JSRP1: variants seen among roughly 807,000 people sequenced by gnomAD.
The protein encoded by JSRP1 is junctional sarcoplasmic reticulum protein 1.
JSRP1 carries 29 observed loss-of-function variants against 21.4 expected under a neutral mutation model. That is an observed-to-expected ratio of 1.36 (90% CI 1.01 to 1.85). The LOEUF is 1.85. Among genes scored for constraint, JSRP1 ranks in the 40% most tolerant of loss-of-function variants. The probability of loss-of-function intolerance (pLI) is 0.00; values close to 1 mark genes in which losing one functional copy is unlikely to be tolerated. For synonymous variants in JSRP1, 221 were observed against 206.1 expected (o/e 1.07, Z -0.62); for missense variants, 531 against 461.5 (o/e 1.15, Z -1.38).
intron 4 of JSRP1, 96 bp from the exon 5 acceptor site, chr19:2,253,889 C>T (rs1364026957): frequency 1.6e-6 from 2 of 1,288,052 alleles, no homozygotes; most frequent in Middle Eastern, 2.8e-4. Flanking sequence ...TGCCCTGAAC[C>T]CGGCTCTCTC....
Position 2,252,658 on chromosome 19 carries a change from C to T in JSRP1, c.667G>A (p.Val223Ile), listed in dbSNP as rs528273441. 2.2e-4 allele frequency: 355 copies of T among 1,612,226 alleles called. 3 individuals are homozygous for T. The South Asian group carries it at 2.9e-3, about 13-fold the overall frequency. ...GCGAGGGTCACACGGTCCTCCCGGACGGCCTCTCCGGTGGCCTCGCCGGGC... is the reference window on the plus strand; with the variant it reads ...GCGAGGGTCACACGGTCCTCCCGGATGGCCTCTCCGGTGGCCTCGCCGGGC... ...EEPGEATGEA[V>I]REDRVTLADR... The change falls in exon 7 of 7, where the codon GTC becomes ATC. Residue 223 changes from valine to isoleucine, a missense_variant. Transcript: ENST00000300961.
At position 2,254,475 on chromosome 19, in the gene JSRP1, G is replaced by C. The variant is rs370023758; in HGVS notation, c.117C>G (p.Pro39=). The part of the protein sequence containing the change: ...ETQEDRASAT[P]RLADSGSVPH... Reference sequence around the variant, plus strand: ...GCACGCTGCCGGAGTCGGCCAGCCTGGGTGTCGCTGTGGGAACACAGGCAG... The same window carrying C: ...GCACGCTGCCGGAGTCGGCCAGCCTCGGTGTCGCTGTGGGAACACAGGCAG... The change falls in exon 3 of 7, where the codon CCC becomes CCG. Residue 39 remains proline, a synonymous_variant. Transcript: ENST00000300961. 3.1e-6 allele frequency: 5 copies of C among 1,612,604 alleles called. No homozygotes were observed. Among genetic ancestry groups the C allele is most frequent in the African/African-American group, 1.3e-5 (1 of 74,944 alleles).
At position 2,252,760 on chromosome 19, in the gene JSRP1, G is replaced by A. The variant is rs1403289216; in HGVS notation, c.565C>T (p.Pro189Ser). The change falls in exon 7 of 7, where the codon CCT (proline) becomes TCT (serine). Residue 189 changes from proline to serine, a missense_variant. Transcript: ENST00000300961. ...ACCTCTGCCTCGGCCCGGGGCGCAG[G>A]CGGCGCTGATGGAGGCGCCTGGGCC... ...FEAQAPPSAP[P>S]APRAEAEVRP... 3 of 1,612,432 alleles carry A rather than the reference G, an allele frequency of 1.9e-6. No individual in the cohort carries two copies. Among genetic ancestry groups the A allele is most frequent in the Middle Eastern group, 1.7e-4 (1 of 6,050 alleles).
chr19:2,252,875 G>A, intron 6 of JSRP1, 37 bp downstream of exon 6: 3 of 1,597,294 alleles, frequency 1.9e-6, no homozygotes, highest in South Asian at 2.2e-5. Flanking sequence ...GGGGATGAAG[G>A]TCCCAATGCC....
At position 2,255,345 on chromosome 19, in the gene JSRP1, C is replaced by G. The variant is rs1338871233; in HGVS notation, c.-30-1G>C. On this transcript the variant is annotated splice_acceptor_variant, in intron 1 of 6. Coordinates refer to ENST00000300961, the MANE Select transcript of JSRP1 (RefSeq NM_144616.4). LOFTEE classifies it low-confidence loss of function (5UTR_SPLICE). ...GAGCAGCAGCAGGTCCCAGGCCAGGCTGGGAGGGGTGGGGAACAAGGTCTT... is the reference window on the plus strand; with the variant it reads ...GAGCAGCAGCAGGTCCCAGGCCAGGGTGGGAGGGGTGGGGAACAAGGTCTT... 6.9e-7 allele frequency: 1 copy of G among 1,459,672 alleles called. No homozygotes were observed. The highest frequency in any genetic ancestry group is 1.8e-5 in the Admixed American group (1 of 56,228). The allele number at this position is 1,459,672 out of a possible 1,614,324, so 90.4% of individuals were successfully genotyped here.
At chr19:2,253,181 G>A (rs1469147831) in intron 5 of JSRP1, among the ~76,000 whole-genome samples, 178 bp from the exon 6 acceptor site, 2 of 152,190 alleles carry the variant, frequency 1.3e-5, no homozygotes, top group Admixed American at 6.5e-5. Flanking sequence ...CCGCTGCCGC[G>A]GCGCCCCTTC....
intron 1 of JSRP1, among the ~76,000 whole-genome samples, chr19:2,255,764 C>T (rs931729085): frequency 1.3e-5 from 2 of 152,156 alleles, no homozygotes; most frequent in South Asian, 2.1e-4. Flanking sequence ...CTAACAGGTG[C>T]CCCAGCCCCT....
rs2025103530 is a variant in JSRP1 at position 2,253,732 on chromosome 19, CGGCGGCGGCTGCAGG to C, written c.309_323del (p.Leu104_Pro108del). On this transcript the variant is annotated inframe_deletion, in exon 5 of 7. Transcript: ENST00000300961. ...GCTCCTCGCTCAGGGCCGGGGGCGGCGGCGGCGGCTGCAGGGGCGGCGCGGTCTGCGCCTTCTTGC... is the reference window on the plus strand; with the variant it reads ...GCTCCTCGCTCAGGGCCGGGGGCGGCGGCGGCGCGGTCTGCGCCTTCTTGC... 6.7e-7 allele frequency: 1 copy of C among 1,487,098 alleles called. No individual in the cohort carries two copies. The highest frequency in any genetic ancestry group is 8.9e-7 in the Non-Finnish European group (1 of 1,126,872). 92.1% of individuals were successfully genotyped at this position (1,487,098 alleles called of 1,614,324 possible).
chr19:2,253,781 A>G lies in JSRP1; in HGVS notation c.275T>C (p.Val92Ala), dbSNP rs10426549. Residue 92 changes from valine (V) to alanine (A), a missense_variant, in exon 5 of 7, where the codon GTC (valine) becomes GCC (alanine). Coordinates refer to ENST00000300961, the MANE Select transcript of JSRP1 (RefSeq NM_144616.4). ...GGTCTGCGCCTTCTTGCGCGCGGGGACGCTCCGAGGGCCTGCGGGGGCAAG... is the reference window on the plus strand; with the variant it reads ...GGTCTGCGCCTTCTTGCGCGCGGGGGCGCTCCGAGGGCCTGCGGGGGCAAG... ...RLKAGASPRS[V>A]PARKKAQTAP... 0.097 allele frequency: 137,069 copies of G among 1,413,840 alleles called. 11,964 individuals are homozygous for G. Among genetic ancestry groups the G allele is most frequent in the African/African-American group, 0.47 (30,912 of 65,682 alleles). 87.6% of individuals were successfully genotyped at this position (1,413,840 alleles called of 1,614,324 possible). A position where few individuals can be genotyped will look rare whatever the true frequency, so the allele number is the denominator to read the frequency against.
In JSRP1 at chr19:2,252,623, TC is replaced by T; in HGVS notation, c.701del (p.Gly234AspfsTer119). On this transcript the variant is annotated frameshift_variant, in exon 7 of 7. Coordinates refer to ENST00000300961, the MANE Select transcript of JSRP1 (RefSeq NM_144616.4). LOFTEE classifies it low-confidence loss of function (END_TRUNC). The stretch of plus-strand genomic sequence containing the variant: ...CCTCTCTCCGAGGCCTCTCCTTGGG[TC>T]CCCGGTCTGCGAGGGTCACACGGTC... ...REDRVTLADR[G>X]PKERPRREGK... 1 of 1,612,482 alleles carries T rather than the reference TC, an allele frequency of 6.2e-7. No homozygotes were observed.
Position 2,252,321 on chromosome 19 carries a change from G to A in JSRP1, c.*8C>T. 1 of 1,456,842 alleles carries A rather than the reference G, an allele frequency of 6.9e-7. No individual in the cohort carries two copies. The highest frequency in any genetic ancestry group is 9.0e-7 in the Non-Finnish European group (1 of 1,110,750). The allele number at this position is 1,456,842 out of a possible 1,614,324, so 90.2% of individuals were successfully genotyped here. On this transcript the variant is annotated 3_prime_UTR_variant, in exon 7 of 7. Coordinates refer to ENST00000300961, the MANE Select transcript of JSRP1 (RefSeq NM_144616.4). ...GAAGGGGCCCCTGGACTCCGGCGCG[G>A]GGCCGGCTCAGTCCCGCCCCTTGCC...
At chr19:2,253,870 A>G (rs1209776556) in intron 4 of JSRP1, 77 bp from the exon 5 acceptor site, 1 of 1,322,354 alleles carries the variant, frequency 7.6e-7, no homozygotes, top group Non-Finnish European at 9.7e-7. Flanking sequence ...GGGACAAGAG[A>G]CAGGCCTGTG....
At chr19:2,254,137 C>A in intron 4 of JSRP1, 50 bp downstream of exon 4, 1 of 1,402,032 alleles carries the variant, frequency 7.1e-7, no homozygotes, top group Non-Finnish European at 9.7e-7. Context: ...CTGAGCCTCA[C>A]ACCAGTCCGT....
chr19:2,253,373 A>T (rs1044971938), intron 5 of JSRP1, among the ~76,000 whole-genome samples: 2 of 152,200 alleles, frequency 1.3e-5, no homozygotes, highest in African/African-American at 4.8e-5. Context: ...CACAAGGTTC[A>T]TCCGGAAGCC....
intron 4 of JSRP1, 80 bp downstream of exon 4, chr19:2,254,107 C>T: frequency 8.7e-7 from 1 of 1,146,714 alleles, no homozygotes; most frequent in Admixed American, 2.3e-5. Context: ...CTCCAAGATC[C>T]AAGGACCCAG....
intron 4 of JSRP1, 70 bp downstream of exon 4, chr19:2,254,117 G>T: frequency 2.5e-6 from 3 of 1,224,460 alleles, no homozygotes; most frequent in South Asian, 2.9e-5. Context: ...CAAGGACCCA[G>T]CTCCGGCACC....
In JSRP1 at chr19:2,253,652, G is replaced by C. The variant is rs966307022; in HGVS notation, c.404C>G (p.Ala135Gly). Residue 135 changes from alanine to glycine, a missense_variant, in exon 5 of 7, where the codon GCG becomes GGG. Ala to Gly is a moderately conservative substitution (Grantham distance 60). Transcript: ENST00000300961. ...CAGCTGGAAAGCCGAGCCCAGCAGC[G>C]CCACCAGCGAGGCGAGCACCAGGCA... ...NKCLVLASLV[A>G]LLGSAFQLCR... 2.0e-6 allele frequency: 3 copies of C among 1,505,648 alleles called. No individual in the cohort carries two copies. In the South Asian group the frequency reaches 3.7e-5, roughly 19 times the overall value. 93.3% of individuals were successfully genotyped at this position (1,505,648 alleles called of 1,614,324 possible).
chr19:2,252,926 G>A lies in JSRP1; in HGVS notation c.514C>T (p.Pro172Ser). 6 of 1,609,556 alleles carry A rather than the reference G, an allele frequency of 3.7e-6. No homozygotes were observed. Among genetic ancestry groups the A allele is most frequent in the Non-Finnish European group, 5.1e-6 (6 of 1,178,204 alleles). Residue 172 changes from proline (P) to serine (S), a missense_variant, in exon 6 of 7, where the codon CCA (proline) becomes TCA (serine). By Grantham distance (74) the Pro-to-Ser change is moderately conservative. Coordinates refer to ENST00000300961, the MANE Select transcript of JSRP1 (RefSeq NM_144616.4). Reference protein sequence around the residue: ...WVPPSSAPREPSSPLPKFEAQ... With the variant: ...WVPPSSAPRESSSPLPKFEAQ... ...GAAGCTCTTACCAGGGGCGACGATG[G>A]CTCCCTCGGGGCTGAGCTTGGCGGG...
At chr19:2,254,044 C>T in intron 4 of JSRP1, 143 bp downstream of exon 4, 2 of 737,784 alleles carry the variant, frequency 2.7e-6, no homozygotes, top group Admixed American at 2.6e-5. Context: ...AGGCTCCCTG[C>T]CCGTTGACTC....
Sources: gnomAD v4.1 joint callset for allele counts (sites outside exome capture counted in the v4.1 genomes callset) on GRCh38, gnomAD v4.1.1 for gene constraint, MANE v1.5 for transcripts, NCBI Gene and HGNC (gene_info 2026-07-23, HGNC 2026-07-21) for gene names.